The following ZFPM2 variants were observed in gnomAD, a reference collection of about 807,000 sequenced individuals.
ZFPM2 encodes zinc finger protein ZFPM2.
ZFPM2 carries 20 observed loss-of-function variants against 98.6 expected under a neutral mutation model. The observed-to-expected ratio is 0.20, with a 90% confidence interval of 0.14 to 0.29. The LOEUF is 0.29. ZFPM2 is among the 10% of genes least tolerant of loss of function. The pLI, the probability that ZFPM2 is intolerant of heterozygous loss-of-function variation, is 1.00. For missense variants in ZFPM2, 1,310 were observed against 1,388.6 expected (o/e 0.94, Z 0.90); for synonymous variants, 518 against 502.7 (o/e 1.03, Z -0.41).
chr8:105,365,006 C>T (rs920307772), intron 1 of ZFPM2, among the ~76,000 whole-genome samples: 1 of 152,034 alleles, frequency 6.6e-6, no homozygotes, highest in African/African-American at 2.4e-5. Flanking sequence ...TGTCCTGGGC[C>T]CTATTATCTC....
intron 2 of ZFPM2, among the ~76,000 whole-genome samples, chr8:105,419,602 ATTCT>A (rs1811753399): frequency 6.6e-6 from 1 of 152,062 alleles, no homozygotes; most frequent in South Asian, 2.1e-4. Context: ...TTATTCATTC[ATTCT>A]TTCAACAAGA....
chr8:105,552,089 G>A (rs186810087), intron 3 of ZFPM2, among the ~76,000 whole-genome samples: 5 of 152,298 alleles, frequency 3.3e-5, no homozygotes. Flanking sequence ...ATATCAATGA[G>A]TTCTATTGAT....
At chr8:105,432,151 G>C (rs1176422640) in intron 2 of ZFPM2, among the ~76,000 whole-genome samples, 4 of 152,062 alleles carry the variant, frequency 2.6e-5, no homozygotes, top group Non-Finnish European at 5.9e-5. Context: ...GAAGCATAAA[G>C]AGGAAGATAA....
chr8:105,792,875 A>AAAG (rs1185825652), intron 6 of ZFPM2, among the ~76,000 whole-genome samples: 1 of 152,130 alleles, frequency 6.6e-6, no homozygotes, highest in African/African-American at 2.4e-5. Flanking sequence ...TTGTTGGTTT[A>AAAG]AAGTCTGTTT....
At chr8:105,416,325 A>T (rs1159536382) in intron 1 of ZFPM2, among the ~76,000 whole-genome samples, 1 of 151,712 alleles carries the variant, frequency 6.6e-6, no homozygotes, top group African/African-American at 2.4e-5. Context: ...ATTTGTTGTC[A>T]TTGAATATTT....
intron 2 of ZFPM2, among the ~76,000 whole-genome samples, chr8:105,442,115 C>T (rs1489824410): frequency 3.3e-5 from 5 of 151,038 alleles, no homozygotes; most frequent in South Asian, 2.1e-4. Context: ...GGGCGGATCA[C>T]GAGGTCAGGA....
intron 4 of ZFPM2, among the ~76,000 whole-genome samples, chr8:105,626,552 G>A (rs1471009939): frequency 2.0e-5 from 3 of 152,040 alleles, no homozygotes; most frequent in African/African-American, 7.2e-5. Context: ...ATGGAGTTGG[G>A]GGGTTGGCAG....
At chr8:105,430,749 A>C (rs985193573) in intron 2 of ZFPM2, among the ~76,000 whole-genome samples, 1 of 152,030 alleles carries the variant, frequency 6.6e-6, no homozygotes, top group African/African-American at 2.4e-5. Flanking sequence ...TGGAAGCTAG[A>C]TGTGCATCTG....
intron 4 of ZFPM2, among the ~76,000 whole-genome samples, chr8:105,568,200 C>G (rs2130714055): frequency 6.6e-6 from 1 of 152,180 alleles, no homozygotes; most frequent in East Asian, 1.9e-4. Flanking sequence ...TCTCTAATAG[C>G]ACATTTCAAC....
chr8:105,644,349 G>A (rs1817001314), intron 5 of ZFPM2, among the ~76,000 whole-genome samples: 1 of 148,082 alleles, frequency 6.8e-6, no homozygotes, highest in Non-Finnish European at 1.5e-5. Context: ...TCAAACTCCT[G>A]GCCTCAGCTT....
At chr8:105,495,216 A>T (rs1388825227) in intron 3 of ZFPM2, among the ~76,000 whole-genome samples, 1 of 152,136 alleles carries the variant, frequency 6.6e-6, no homozygotes, top group Non-Finnish European at 1.5e-5. Context: ...TCTTCACCAC[A>T]TCTTAATCTC....
intron 3 of ZFPM2, among the ~76,000 whole-genome samples, chr8:105,542,091 T>C (rs1307804802): frequency 6.6e-6 from 1 of 152,188 alleles, no homozygotes; most frequent in African/African-American, 2.4e-5. Context: ...GGGAATACTT[T>C]ATTATTTATG....
intron 4 of ZFPM2, among the ~76,000 whole-genome samples, chr8:105,600,708 T>A (rs991509733): frequency 6.6e-6 from 1 of 152,020 alleles, no homozygotes; most frequent in Non-Finnish European, 1.5e-5. Context: ...GATAATCATA[T>A]GATGATTATA....
intron 2 of ZFPM2, among the ~76,000 whole-genome samples, chr8:105,428,197 T>G (rs1206146835): frequency 2.0e-5 from 3 of 152,216 alleles, no homozygotes; most frequent in Admixed American, 1.3e-4. Context: ...TGAAGCTCAC[T>G]TTTTCAAGGT....
At chr8:105,719,556 A>G (rs1390196840) in intron 5 of ZFPM2, among the ~76,000 whole-genome samples, 1 of 151,920 alleles carries the variant, frequency 6.6e-6, no homozygotes, top group East Asian at 1.9e-4. Context: ...TAATTTCCCT[A>G]AACCTCAGTT....
intron 5 of ZFPM2, among the ~76,000 whole-genome samples, chr8:105,742,506 G>A (rs1578995): frequency 2.6e-5 from 4 of 151,532 alleles, no homozygotes; most frequent in Non-Finnish European, 5.9e-5. Flanking sequence ...TCGTGATTCC[G>A]AGCAATAAAA....
chr8:105,449,040 A>G lies in ZFPM2; in HGVS notation c.301+4659A>G, dbSNP rs79494298. Reference sequence around the variant, plus strand: ...AAAGAAAATTTAGGTAAATCTTTATAAATCTGTCATCTACCTTTATGAAAC... The same window carrying G: ...AAAGAAAATTTAGGTAAATCTTTATGAATCTGTCATCTACCTTTATGAAAC... On this transcript the variant is annotated intron_variant, in intron 3 of 7. Coordinates refer to ENST00000407775, the MANE Select transcript of ZFPM2 (RefSeq NM_012082.4). 6.8e-3 allele frequency among the ~76,000 whole-genome samples: 1,040 copies of G among 152,144 alleles called. 8 individuals are homozygous for G. Among genetic ancestry groups the G allele is most frequent in the African/African-American group, 0.024 (993 of 41,554 alleles).
intron 3 of ZFPM2, among the ~76,000 whole-genome samples, chr8:105,518,617 G>A (rs1563695888): frequency 6.6e-6 from 1 of 152,190 alleles, no homozygotes; most frequent in Non-Finnish European, 1.5e-5. Context: ...AGAAAAATAG[G>A]AGGAGTTGGC....
intron 5 of ZFPM2, among the ~76,000 whole-genome samples, chr8:105,665,810 A>G (rs1420848640): frequency 1.3e-5 from 2 of 152,204 alleles, no homozygotes; most frequent in African/African-American, 4.8e-5. Flanking sequence ...TGTCTACCTT[A>G]TAAGATTATT....
Sources: allele counts gnomAD v4.1 joint callset (sites outside exome capture counted in the v4.1 genomes callset), GRCh38; gene constraint gnomAD v4.1.1; transcripts MANE v1.5; gene names NCBI Gene and HGNC (gene_info 2026-07-23, HGNC 2026-07-21).